The following ZNF880 variants were observed in gnomAD, a reference collection of about 807,000 sequenced individuals.
ZNF880 encodes zinc finger protein 880.
Under a neutral mutation model 11.8 loss-of-function variants are expected in ZNF880, and 12 were observed. The ratio of observed to expected loss-of-function variants is 1.02; its 90% CI spans 0.65 to 1.65. The LOEUF (loss-of-function observed/expected upper bound fraction) is 1.65. Ranked by LOEUF, ZNF880 falls within the 40% of genes most tolerant of loss-of-function variation. ZNF880 has a pLI of 0.00. For synonymous variants in ZNF880, 210 were observed against 232.4 expected, an observed-to-expected ratio of 0.90 and a Z score of 0.88; for missense variants, 601 against 673.9, an observed-to-expected ratio of 0.89 and a Z score of 1.20.
At chr19:52,373,812 A>T (rs889617010) in intron 2 of ZNF880, among the ~76,000 whole-genome samples, 17 of 151,288 alleles carry the variant, frequency 1.1e-4, no homozygotes, top group African/African-American at 3.2e-4. Flanking sequence ...CTGGGACTAC[A>T]GGCACGTGCC....
downstream of ZNF880, chr19:52,390,447 C>T (rs2058703666): frequency 6.9e-6 from 2 of 291,288 alleles, no homozygotes; most frequent in Admixed American, 4.4e-5. Flanking sequence ...CCCCAGGCCT[C>T]CCCTTCTCCT....
rs774070560 is a variant in ZNF880 at position 52,383,930 on chromosome 19, G to A, written c.350G>A (p.Ser117Asn). The change falls in exon 4 of 4, where the codon AGT becomes AAT. Residue 117 changes from serine (S) to asparagine (N), a missense_variant. Ser to Asn is a conservative substitution (Grantham distance 46). This residue lies in a region of ZNF880 where 420 missense variants were observed against 442.6 expected (regional missense o/e 0.95). Coordinates refer to ENST00000422689, the MANE Select transcript of ZNF880 (RefSeq NM_001145434.2). ...GGATTAACCTTTCAGTTACATCTGA[G>A]TGAACTGCAGCTATTTCAAGCTGAA... ...QLGLTFQLHL[S>N]ELQLFQAERN... 20 of 1,559,842 alleles carry A rather than the reference G, an allele frequency of 1.3e-5. No individual in the cohort carries two copies. The African/African-American group carries it at 2.6e-4, about 20-fold the overall frequency.
the ZNF880 span, chr19:52,390,997 T>C: frequency 6.6e-6 from 1 of 152,318 alleles, no homozygotes; most frequent in African/African-American, 2.4e-5. Flanking sequence ...GCAGAGACAG[T>C]GCATGAAGAT....
chr19:52,394,099 A>T, the ZNF880 span, among the ~76,000 whole-genome samples: 2 of 151,976 alleles, frequency 1.3e-5, no homozygotes, highest in African/African-American at 4.8e-5. Context: ...TTGGCCTCCC[A>T]AAGTGCTGGG....
the ZNF880 span, among the ~76,000 whole-genome samples, chr19:52,392,271 TTCTC>T: frequency 9.6e-5 from 14 of 145,604 alleles, no homozygotes; most frequent in African/African-American, 3.7e-4. Flanking sequence ...TTCTTTCTCT[TTCTC>T]TCTTTCCTTC....
Position 52,384,312 on chromosome 19 carries a change from A to C in ZNF880, c.732A>C (p.Glu244Asp), listed in dbSNP as rs758253587. Residue 244 changes from glutamate (E) to aspartate (D), a missense_variant, in exon 4 of 4, where the codon GAA becomes GAC. Transcript: ENST00000422689. ...HTGEKPYKCHECGKLFNRISL... is the reference protein window; with the variant it reads ...HTGEKPYKCHDCGKLFNRISL... Reference sequence around the variant, plus strand: ...GAGAGAAGCCTTACAAGTGTCATGAATGTGGCAAGCTCTTCAATCGAATTT... The same window carrying C: ...GAGAGAAGCCTTACAAGTGTCATGACTGTGGCAAGCTCTTCAATCGAATTT... 2 of 1,613,832 alleles carry C rather than the reference A, an allele frequency of 1.2e-6. No homozygotes were observed. The highest frequency in any genetic ancestry group is 2.7e-5 in the African/African-American group (2 of 74,936).
chr19:52,375,438 C>T (rs1458841706), intron 3 of ZNF880, among the ~76,000 whole-genome samples: 4 of 151,950 alleles, frequency 2.6e-5, no homozygotes, highest in African/African-American at 9.7e-5. Context: ...GTGATCCACC[C>T]ACCTTGGCCT....
intron 3 of ZNF880, chr19:52,374,754 GA>G: frequency 1.8e-6 from 1 of 571,216 alleles, no homozygotes; most frequent in Non-Finnish European, 3.1e-6. Flanking sequence ...GTTTTGTTGA[GA>G]CAAGTTCTTG....
At chr19:52,369,340 C>G (rs1169642101), upstream of ZNF880, among the ~76,000 whole-genome samples, 1 of 102,884 alleles carries the variant, frequency 9.7e-6, no homozygotes, top group Non-Finnish European at 1.9e-5. Context: ...CCAGCCTGGG[C>G]AAAAGAACGA....
At chr19:52,369,410 G>A (rs549920498), upstream of ZNF880, among the ~76,000 whole-genome samples, 31 of 150,266 alleles carry the variant, frequency 2.1e-4, no homozygotes, top group Non-Finnish European at 4.1e-4. Context: ...CGCCCTGGCA[G>A]GGTTTTGCAT....
At position 52,385,416 on chromosome 19, in the gene ZNF880, A is replaced by G; in HGVS notation, c.*102A>G. Reference sequence around the variant, plus strand: ...ACAAACTGAGTATGGCAAACTCTTCATGCTAAGTTCTAGCATTAATCAACA... The same window carrying G: ...ACAAACTGAGTATGGCAAACTCTTCGTGCTAAGTTCTAGCATTAATCAACA... On this transcript the variant is annotated 3_prime_UTR_variant, in exon 4 of 4. Transcript: ENST00000422689. The G allele has an allele frequency of 4.6e-6, 6 of 1,299,368 alleles. No homozygotes were observed. Among genetic ancestry groups the G allele is most frequent in the South Asian group, 1.5e-5 (1 of 66,304 alleles). 80.5% of individuals were successfully genotyped at this position (1,299,368 alleles called of 1,614,324 possible).
intron 2 of ZNF880, 68 bp downstream of exon 2, chr19:52,373,305 C>T: frequency 6.6e-7 from 1 of 1,504,406 alleles, no homozygotes; most frequent in South Asian, 1.2e-5. Flanking sequence ...TCGTGTGCCT[C>T]TTAGCATCTT....
At chr19:52,396,121 A>ATTTTTTTTTT in the ZNF880 span, among the ~76,000 whole-genome samples, 225 of 120,348 alleles carry the variant, frequency 1.9e-3, no homozygotes, top group Non-Finnish European at 2.6e-3. Context: ...TGCCTGGCTA[A>ATTTTTTTTTT]TTTTTTTTTT....
At chr19:52,371,922 G>T (rs1986384671) in intron 1 of ZNF880, among the ~76,000 whole-genome samples, 1 of 152,084 alleles carries the variant, frequency 6.6e-6, no homozygotes, top group South Asian at 2.1e-4. Context: ...GGGTGAGGTA[G>T]CTTACGCCTG....
chr19:52,384,468 C>G lies in ZNF880; in HGVS notation c.888C>G (p.Tyr296Ter), dbSNP rs2122413166. 6.2e-7 allele frequency: 1 copy of G among 1,614,142 alleles called. No individual in the cohort carries two copies. The highest frequency in any genetic ancestry group is 2.2e-5 in the East Asian group (1 of 44,878). ...GAATCCACACTGGAGAGAAACCTTACAAATGTAATGAGTGTGGCAAGGTCT... is the reference window on the plus strand; with the variant it reads ...GAATCCACACTGGAGAGAAACCTTAGAAATGTAATGAGTGTGGCAAGGTCT... ...HHRIHTGEKP[Y>*]KCNECGKVFN... The change falls in exon 4 of 4, where the codon TAC (tyrosine) becomes TAG (stop). Residue 296 changes from tyrosine to a stop codon, truncating the protein, a stop_gained. Coordinates refer to ENST00000422689, the MANE Select transcript of ZNF880 (RefSeq NM_001145434.2). LOFTEE classifies it low-confidence loss of function (END_TRUNC).
chr19:52,381,615 GATT>G (rs1318939680), intron 3 of ZNF880, among the ~76,000 whole-genome samples: 2 of 150,112 alleles, frequency 1.3e-5, no homozygotes, highest in African/African-American at 4.9e-5. Flanking sequence ...ATACATATTA[GATT>G]ATTATCTGTA....
At chr19:52,382,543 A>G in intron 3 of ZNF880, among the ~76,000 whole-genome samples, 1 of 152,138 alleles carries the variant, frequency 6.6e-6, no homozygotes, top group Non-Finnish European at 1.5e-5. Context: ...GAATGTTACT[A>G]AATATAGTAT....
chr19:52,376,978 G>A (rs1236900282), intron 3 of ZNF880, among the ~76,000 whole-genome samples: 2 of 152,052 alleles, frequency 1.3e-5, no homozygotes, highest in African/African-American at 2.4e-5. Context: ...CTGTGTCATA[G>A]GCAAAGTCTT....
chr19:52,373,278 TG>T, intron 2 of ZNF880, 41 bp downstream of exon 2: 1 of 1,580,144 alleles, frequency 6.3e-7, no homozygotes, highest in African/African-American at 1.4e-5. Flanking sequence ...TCTGCCCTGG[TG>T]TATTTTTGCA....
Sources: gnomAD v4.1 joint callset for allele counts (sites outside exome capture counted in the v4.1 genomes callset) on GRCh38, gnomAD v4.1.1 for gene constraint, gnomAD v4.1.1 regional missense constraint, MANE v1.5 for transcripts, NCBI Gene and HGNC (gene_info 2026-07-23, HGNC 2026-07-21) for gene names.